Variants in C12orf42 observed in about 807,000 individuals in gnomAD.
C12orf42 encodes the protein uncharacterized protein C12orf42.
C12orf42 carries 25 observed loss-of-function variants against 21.6 expected under a neutral mutation model. The observed-to-expected ratio is 1.16, with a 90% CI of 0.84 to 1.62. The LOEUF (loss-of-function observed/expected upper bound fraction) is 1.62. C12orf42 is among the 40% of genes most tolerant of loss of function. C12orf42 has a pLI of 0.00. For synonymous variants in C12orf42, 174 were observed against 175.0 expected (o/e 0.99, Z 0.05); for missense variants, 483 against 459.3 (o/e 1.05, Z -0.47).
At chr12:103,340,202 T>C (rs1593506241) in intron 4 of C12orf42, among the ~76,000 whole-genome samples, 2 of 151,526 alleles carry the variant, frequency 1.3e-5, no homozygotes, top group South Asian at 4.2e-4. Flanking sequence ...AGAGAGTGAG[T>C]TCTCCAGGAG....
chr12:103,388,835 C>T (rs907480513), intron 3 of C12orf42, among the ~76,000 whole-genome samples: 17 of 152,214 alleles, frequency 1.1e-4, no homozygotes, highest in African/African-American at 4.1e-4. Flanking sequence ...TGCTCTGCCT[C>T]CTCCGCCTCC....
At chr12:103,164,874 G>C in the C12orf42 span, 1 of 313,256 alleles carries the variant, frequency 3.2e-6, no homozygotes, top group African/African-American at 2.2e-5. Flanking sequence ...TGGAGTATTA[G>C]GATATTAGGA....
chr12:103,268,881 T>G (rs1268197341), exon 7 of C12orf42: 1 of 152,178 alleles, frequency 6.6e-6, no homozygotes, highest in Non-Finnish European at 1.5e-5. Flanking sequence ...GAGACCCAGT[T>G]GATCAGCTAT....
chr12:103,447,860 C>A (rs879344293), intron 2 of C12orf42, among the ~76,000 whole-genome samples: 1 of 151,964 alleles, frequency 6.6e-6, no homozygotes, highest in African/African-American at 2.4e-5. Flanking sequence ...GTGAAAACGA[C>A]CATACTGCCA....
intron 4 of C12orf42, among the ~76,000 whole-genome samples, chr12:103,281,376 T>A (rs956281661): frequency 1.3e-5 from 2 of 152,180 alleles, no homozygotes; most frequent in South Asian, 4.1e-4. Flanking sequence ...TTTGTTGTTC[T>A]CTTTGAGATG....
the C12orf42 span, among the ~76,000 whole-genome samples, chr12:103,101,549 C>T: frequency 6.6e-6 from 1 of 152,076 alleles, no homozygotes; most frequent in South Asian, 2.1e-4. Context: ...AACATTCATC[C>T]CTAAGCTGAT....
chr12:103,296,536 T>A (rs2037300502), intron 4 of C12orf42, among the ~76,000 whole-genome samples: 1 of 152,214 alleles, frequency 6.6e-6, no homozygotes, highest in African/African-American at 2.4e-5. Context: ...GTTTCCTGAC[T>A]TTTTAATGAT....
At chr12:103,088,826 G>A in the C12orf42 span, among the ~76,000 whole-genome samples, 1 of 152,172 alleles carries the variant, frequency 6.6e-6, no homozygotes, top group African/African-American at 2.4e-5. Context: ...CAACTCAGCT[G>A]GGTGCGGTGG....
At chr12:103,541,565 A>T in the C12orf42 span, among the ~76,000 whole-genome samples, 1 of 152,242 alleles carries the variant, frequency 6.6e-6, no homozygotes, top group African/African-American at 2.4e-5. Context: ...TATACAGTAC[A>T]TAATACTTGA....
chr12:103,209,108 G>A, the C12orf42 span, among the ~76,000 whole-genome samples: 1 of 152,154 alleles, frequency 6.6e-6, no homozygotes, highest in African/African-American at 2.4e-5. Context: ...CAACTCCAAT[G>A]TGGTTTGGGA....
At chr12:103,366,343 C>T (rs934162744) in intron 4 of C12orf42, among the ~76,000 whole-genome samples, 2 of 152,002 alleles carry the variant, frequency 1.3e-5, no homozygotes, top group African/African-American at 4.8e-5. Flanking sequence ...AAATCTAAGA[C>T]CCAACACTAT....
At chr12:103,199,900 G>A in the C12orf42 span, among the ~76,000 whole-genome samples, 2 of 152,166 alleles carry the variant, frequency 1.3e-5, no homozygotes, top group Non-Finnish European at 2.9e-5. Context: ...AATTGGTACA[G>A]CCAATTCAGA....
chr12:103,495,396 A>G (rs1221970709), intron 1 of C12orf42, among the ~76,000 whole-genome samples: 3 of 151,254 alleles, frequency 2.0e-5, no homozygotes, highest in Non-Finnish European at 4.4e-5. Context: ...ACCGCCCCCA[A>G]CCGCTCCGCC....
the C12orf42 span, among the ~76,000 whole-genome samples, chr12:103,144,616 G>A: frequency 2.0e-5 from 3 of 152,214 alleles, no homozygotes; most frequent in African/African-American, 7.2e-5. Flanking sequence ...TTATACTTGA[G>A]AGTTGAGCTT....
chr12:103,555,674 C>G, the C12orf42 span, among the ~76,000 whole-genome samples: 3,460 of 152,116 alleles, frequency 0.023, 122 homozygotes, highest in African/African-American at 0.078. Context: ...CTAGACCTAC[C>G]AAATCAGAAT....
At chr12:103,151,109 G>T in the C12orf42 span, among the ~76,000 whole-genome samples, 1 of 152,042 alleles carries the variant, frequency 6.6e-6, no homozygotes, top group African/African-American at 2.4e-5. Context: ...TGTATTTTTA[G>T]TAGAGATGGG....
chr12:103,524,647 T>C, the C12orf42 span, among the ~76,000 whole-genome samples: 1 of 152,200 alleles, frequency 6.6e-6, no homozygotes, highest in Non-Finnish European at 1.5e-5. Flanking sequence ...ATCCATTAAG[T>C]AAACTGATCT....
the C12orf42 span, among the ~76,000 whole-genome samples, chr12:103,561,746 G>A: frequency 5.3e-5 from 8 of 152,144 alleles, no homozygotes; most frequent in South Asian, 2.1e-4. Context: ...TAAGGTCCAA[G>A]GCACCATTGC....
the C12orf42 span, chr12:103,178,096 G>A: frequency 6.6e-6 from 1 of 152,110 alleles, no homozygotes. Flanking sequence ...AGGAAGGAAG[G>A]AAGAAAGAAA....
Sources: gnomAD v4.1 joint callset for allele counts (sites outside exome capture counted in the v4.1 genomes callset) on GRCh38, gnomAD v4.1.1 for gene constraint, MANE v1.5 for transcripts, NCBI Gene and HGNC (gene_info 2026-07-23, HGNC 2026-07-21) for gene names.